Variants in EPN1 observed in about 807,000 individuals in gnomAD.
EPN1 encodes epsin 1.
A neutral mutation model predicts 56.9 loss-of-function variants in EPN1; 25 were observed. The observed-to-expected ratio is 0.44, with a 90% CI of 0.32 to 0.61. EPN1 has a LOEUF of 0.61. EPN1 is among the 20% of genes least tolerant of loss of function. The pLI is 0.05. For synonymous variants in EPN1, 411 were observed against 361.8 expected, an observed-to-expected ratio of 1.14 and a Z score of -1.54; for missense variants, 785 against 823.7, an observed-to-expected ratio of 0.95 and a Z score of 0.58.
Position 55,688,873 on chromosome 19 carries a change from C to T in EPN1, c.482C>T (p.Ser161Leu). 6.3e-7 allele frequency: 1 copy of T among 1,577,502 alleles called. No homozygotes were observed. The highest frequency in any genetic ancestry group is 1.2e-5 in the South Asian group (1 of 86,206). Residue 161 changes from serine (S) to leucine (L), a missense_variant, in exon 4 of 11, where the codon TCA becomes TTA. Physicochemically the swap from Ser to Leu is moderately radical, Grantham distance 145. Transcript: ENST00000270460. Reference protein sequence around the residue: ...KEKLAQTATASSAAVGSGPPP... With the variant: ...KEKLAQTATALSAAVGSGPPP... ...GCGTTTCTCACCCGCCCTCCAGCCT[C>T]ATCAGCAGCTGTGGGCTCAGGCCCC...
At position 55,694,506 on chromosome 19, in the gene EPN1, T is replaced by C. The variant is rs760712927; in HGVS notation, c.1265-220T>C. ...ACACCTGCTTCTGTCATCCCTCTTG[T>C]GTTTGCTCACTGGAATCAGACCCAC... On this transcript the variant is annotated intron_variant, in intron 9 of 10. Coordinates refer to ENST00000270460, the MANE Select transcript of EPN1 (RefSeq NM_001130072.2). This position sits in a 1 kb window ranked among gnomAD's most constrained non-coding sequence, Gnocchi z 4.2. The C allele has an allele frequency of 7.9e-5, 37 of 465,936 alleles. No homozygotes were observed. The highest frequency in any genetic ancestry group is 1.3e-4 in the Non-Finnish European group (34 of 270,802). The allele number at this position is 465,936 out of a possible 1,614,324, so 28.9% of individuals were successfully genotyped here. A position where few individuals can be genotyped will look rare whatever the true frequency, so the allele number is the denominator to read the frequency against.
At position 55,692,702 on chromosome 19, in the gene EPN1, T is replaced by C; in HGVS notation, c.1083T>C (p.Ser361=). 6.5e-7 allele frequency: 1 copy of C among 1,549,526 alleles called. No homozygotes were observed. The highest frequency in any genetic ancestry group is 8.7e-7 in the Non-Finnish European group (1 of 1,146,442). ...WGSSDGGVPV[S]GPSASDPWTP... is the part of the protein sequence containing the mutation. ...CTCACCCAGGTGGGGTCCCGGTCAGTGGGCCCTCAGCCTCCGATCCCTGGA... is the reference window on the plus strand; with the variant it reads ...CTCACCCAGGTGGGGTCCCGGTCAGCGGGCCCTCAGCCTCCGATCCCTGGA... Residue 361 remains serine (S), a synonymous_variant, in exon 8 of 11, where the codon AGT becomes AGC. Coordinates refer to ENST00000270460, the MANE Select transcript of EPN1 (RefSeq NM_001130072.2).
chr19:55,702,308 T>A lies in EPN1; in HGVS notation c.*6952T>A, dbSNP rs1987180064. ...CAGGCAGGCCCTTCGTTTGTGCTGCTCTGCGCTGCTGCTTATCTGTGTGTG... is the reference window on the plus strand; with the variant it reads ...CAGGCAGGCCCTTCGTTTGTGCTGCACTGCGCTGCTGCTTATCTGTGTGTG... On this transcript the variant is annotated 3_prime_UTR_variant, in exon 11 of 11. Transcript: ENST00000270460. 1 of 152,400 alleles carries A rather than the reference T, an allele frequency of 6.6e-6. No homozygotes were observed. Among genetic ancestry groups the A allele is most frequent in the African/African-American group, 2.4e-5 (1 of 41,458 alleles). 9.4% of individuals were successfully genotyped at this position (152,400 alleles called of 1,614,324 possible).
At chr19:55,688,430 C>T (rs1021366849) in intron 3 of EPN1, among the ~76,000 whole-genome samples, 21 of 152,100 alleles carry the variant, frequency 1.4e-4, no homozygotes, top group Admixed American at 1.4e-3. Context: ...GCTGTTCTCC[C>T]CTCTGAATTC....
At chr19:55,682,125 TA>T (rs1163761309) in intron 2 of EPN1, among the ~76,000 whole-genome samples, 1 of 152,140 alleles carries the variant, frequency 6.6e-6, no homozygotes, top group East Asian at 1.9e-4. Flanking sequence ...ACTTCTAAAA[TA>T]AGGTTTTAAA....
chr19:55,709,392 A>C lies in EPN1; in HGVS notation c.*14036A>C, dbSNP rs1162654729. On this transcript the variant is annotated 3_prime_UTR_variant, in exon 11 of 11. Transcript: ENST00000270460. Reference sequence around the variant, plus strand: ...ATAATGTGCTTGCTTAAAAAAAAAAAACATGAGCTTTTCTCAGAGACACTA... The same window carrying C: ...ATAATGTGCTTGCTTAAAAAAAAAACACATGAGCTTTTCTCAGAGACACTA... The C allele has an allele frequency of 1.3e-5, 2 of 157,964 alleles. No homozygotes were observed. Among genetic ancestry groups the C allele is most frequent in the Non-Finnish European group, 2.8e-5 (2 of 72,106 alleles). The allele number at this position is 157,964 out of a possible 1,614,324, so 9.8% of individuals were successfully genotyped here.
chr19:55,686,922 G>C (rs949438424), intron 3 of EPN1, among the ~76,000 whole-genome samples: 1 of 151,924 alleles, frequency 6.6e-6, no homozygotes. Context: ...TCCTGGCTCG[G>C]GGGTCGTCAG....
chr19:55,694,884 C>T lies in EPN1; in HGVS notation c.1423C>T (p.Leu475=). 4 of 1,602,198 alleles carry T rather than the reference C, an allele frequency of 2.5e-6. No individual in the cohort carries two copies. In the South Asian group the frequency reaches 3.4e-5, roughly 13 times the overall value. ...PPTRKTPESF[L]GPNAALVDLD... is the part of the protein sequence containing the mutation. ...CACCCGGAAGACGCCGGAGTCATTC[C>T]TGGGGCCCAATGCAGCCCTCGTCGA... The change falls in exon 10 of 11, where the codon CTG becomes TTG. Residue 475 remains leucine (L), a synonymous_variant. Transcript: ENST00000270460. This position sits in a 1 kb window ranked among gnomAD's most constrained non-coding sequence, Gnocchi z 4.2.
chr19:55,679,902 C>T (rs1041469566), intron 2 of EPN1, among the ~76,000 whole-genome samples: 1 of 152,140 alleles, frequency 6.6e-6, no homozygotes, highest in African/African-American at 2.4e-5. Context: ...AGGTGAGCCT[C>T]TCTGGAGGCA....
intron 1 of EPN1, among the ~76,000 whole-genome samples, chr19:55,675,859 C>A (rs770779543): frequency 1.3e-5 from 2 of 152,200 alleles, no homozygotes; most frequent in African/African-American, 4.8e-5. Flanking sequence ...GCAAATCTTA[C>A]CCCCGCCCCG....
chr19:55,680,473 C>T (rs888845968), intron 2 of EPN1, among the ~76,000 whole-genome samples: 12 of 152,196 alleles, frequency 7.9e-5, no homozygotes, highest in Non-Finnish European at 1.5e-4. Context: ...ACGGGGTTCC[C>T]GCTCCACCCT....
In EPN1 at chr19:55,708,920, G is replaced by A. The variant is rs1304154874; in HGVS notation, c.*13564G>A. The A allele has an allele frequency of 3.2e-6, 5 of 1,548,120 alleles. No individual in the cohort carries two copies. Among genetic ancestry groups the A allele is most frequent in the Non-Finnish European group, 3.5e-6 (4 of 1,156,416 alleles). On this transcript the variant is annotated 3_prime_UTR_variant, in exon 11 of 11. Transcript: ENST00000270460. Reference sequence around the variant, plus strand: ...CTTCAGGGTGTTCCCCATCAGAGGAGCACACCCCTGATCTTGTATTCCTCG... The same window carrying A: ...CTTCAGGGTGTTCCCCATCAGAGGAACACACCCCTGATCTTGTATTCCTCG...
At chr19:55,682,395 G>A (rs1428406719) in intron 2 of EPN1, among the ~76,000 whole-genome samples, 1 of 151,992 alleles carries the variant, frequency 6.6e-6, no homozygotes, top group Non-Finnish European at 1.5e-5. Context: ...CATCAGGTCA[G>A]CAAGGTTGAC....
chr19:55,686,109 T>C (rs1986152706), intron 3 of EPN1, among the ~76,000 whole-genome samples: 1 of 152,238 alleles, frequency 6.6e-6, no homozygotes. Context: ...CATCTGGGCC[T>C]GTGTTAGGAG....
In EPN1 at chr19:55,691,822, G is replaced by T. The variant is rs751623104; in HGVS notation, c.831G>T (p.Gly277=). 11 of 1,609,938 alleles carry T rather than the reference G, an allele frequency of 6.8e-6. No homozygotes were observed. Among genetic ancestry groups the T allele is most frequent in the Non-Finnish European group, 9.3e-6 (11 of 1,177,582 alleles). Residue 277 remains glycine (G), a synonymous_variant, in exon 7 of 11, where the codon GGG becomes GGT. Transcript: ENST00000270460. The surrounding 1 kb of genome is among the most constrained non-coding windows in gnomAD (Gnocchi z 5.6). ...PAPAPTTDPW[G]GPAPMAAAVP... is the part of the protein sequence containing the mutation. ...CTGCCCCGACCACAGACCCCTGGGG[G>T]GGCCCAGCACCCATGGCTGCTGCCG...
Position 55,706,179 on chromosome 19 carries a change from C to T in EPN1, c.*10823C>T, listed in dbSNP as rs1987394907. ...CCTCCTCTCTTTTCTTCTTCCTCTTCCTCCTTTTTCTCCTCCTTTCTTCCT... is the reference window on the plus strand; with the variant it reads ...CCTCCTCTCTTTTCTTCTTCCTCTTTCTCCTTTTTCTCCTCCTTTCTTCCT... On this transcript the variant is annotated 3_prime_UTR_variant, in exon 11 of 11. Coordinates refer to ENST00000270460, the MANE Select transcript of EPN1 (RefSeq NM_001130072.2). The T allele has an allele frequency of 6.0e-6, 1 of 167,064 alleles. No individual in the cohort carries two copies. Among genetic ancestry groups the T allele is most frequent in the South Asian group, 1.4e-4 (1 of 6,980 alleles). The allele number at this position is 167,064 out of a possible 1,614,324, so 10.3% of individuals were successfully genotyped here.
chr19:55,680,301 A>G (rs981536519), intron 2 of EPN1, among the ~76,000 whole-genome samples: 1 of 152,166 alleles, frequency 6.6e-6, no homozygotes, highest in Non-Finnish European at 1.5e-5. Context: ...GTCACCCCCA[A>G]GACCTCCCCT....
chr19:55,685,578 G>A lies in EPN1; in HGVS notation c.411G>A (p.Glu137=), dbSNP rs549293196. 6.2e-7 allele frequency: 1 copy of A among 1,609,560 alleles called. No individual in the cohort carries two copies. Among genetic ancestry groups the A allele is most frequent in the South Asian group, 1.1e-5 (1 of 90,286 alleles). Residue 137 remains glutamate, a synonymous_variant, in exon 3 of 11, where the codon GAG becomes GAA. Transcript: ENST00000270460. ...AKQLVALLRD[E]DRLREERAHA... Reference sequence around the variant, plus strand: ...AGCTGGTGGCCCTGCTGCGCGACGAGGACCGGCTGCGGGAAGAGCGGGCGC... The same window carrying A: ...AGCTGGTGGCCCTGCTGCGCGACGAAGACCGGCTGCGGGAAGAGCGGGCGC...
chr19:55,690,841 G>C (rs1348403991), intron 6 of EPN1, among the ~76,000 whole-genome samples: 1 of 152,174 alleles, frequency 6.6e-6, no homozygotes, highest in South Asian at 2.1e-4. Context: ...CTTGGTAGAC[G>C]GAAAGCCTCT....
Sources: gnomAD v4.1 joint callset for allele counts (sites outside exome capture counted in the v4.1 genomes callset) on GRCh38, gnomAD v4.1.1 for gene constraint, Gnocchi (gnomAD v3.1) non-coding constraint, MANE v1.5 for transcripts, NCBI Gene and HGNC (gene_info 2026-07-23, HGNC 2026-07-21) for gene names.